Variants in CPPED1 observed in about 807,000 individuals in gnomAD.
The protein encoded by CPPED1 is serine/threonine-protein phosphatase CPPED1.
CPPED1 carries 28 observed loss-of-function variants against 28.0 expected under a neutral mutation model. The observed-to-expected ratio is 1.00, with a 90% CI of 0.74 to 1.37. CPPED1 has a LOEUF of 1.37. CPPED1 is among the 40% of genes most tolerant of loss of function. The probability of loss-of-function intolerance (pLI) is 0.00; values close to 1 mark genes in which losing one functional copy is unlikely to be tolerated. For missense variants in CPPED1, 504 were observed against 416.5 expected, an observed-to-expected ratio of 1.21 and a Z score of -1.83; for synonymous variants, 198 against 180.2, an observed-to-expected ratio of 1.10 and a Z score of -0.79.
At chr16:12,677,596 C>T (rs1185763408) in intron 3 of CPPED1, among the ~76,000 whole-genome samples, 1 of 152,154 alleles carries the variant, frequency 6.6e-6, no homozygotes, top group Non-Finnish European at 1.5e-5. Context: ...GAGCTGAGCT[C>T]GTGCCACTGC....
chr16:12,709,418 G>C lies in CPPED1; in HGVS notation c.290-4369C>G, dbSNP rs959058629. Among the ~76,000 whole-genome samples the C allele has an allele frequency of 3.3e-5, 5 of 152,130 alleles. No homozygotes were observed. The highest frequency in any genetic ancestry group is 7.4e-5 in the Non-Finnish European group (5 of 68,016). On this transcript the variant is annotated intron_variant, in intron 2 of 3. Transcript: ENST00000381774. The surrounding 1 kb of genome is among the most constrained non-coding windows in gnomAD (Gnocchi z 4.4). The stretch of plus-strand genomic sequence containing the variant: ...GCACACACCTGACCCCCACGGAGAG[G>C]AGCCCTGGGTGGGAATGGCGAGAGC...
chr16:12,684,175 G>A (rs1039680304), intron 3 of CPPED1, among the ~76,000 whole-genome samples: 6 of 152,150 alleles, frequency 3.9e-5, no homozygotes, highest in African/African-American at 9.7e-5. Flanking sequence ...AGGAAGGAAC[G>A]CAGAGAAAAT....
At chr16:12,671,751 T>C (rs2079853793) in intron 3 of CPPED1, among the ~76,000 whole-genome samples, 1 of 152,104 alleles carries the variant, frequency 6.6e-6, no homozygotes, top group African/African-American at 2.4e-5. Context: ...CTTCTCTATG[T>C]CTAGATACAC....
chr16:12,702,182 G>A (rs2080024092), intron 3 of CPPED1, among the ~76,000 whole-genome samples: 1 of 152,130 alleles, frequency 6.6e-6, no homozygotes, highest in Non-Finnish European at 1.5e-5. Context: ...GAGTGGGCAG[G>A]GGGCTGGGGC....
intron 2 of CPPED1, among the ~76,000 whole-genome samples, chr16:12,743,818 G>T (rs2080268680): frequency 6.6e-6 from 1 of 151,960 alleles, no homozygotes; most frequent in African/African-American, 2.4e-5. Context: ...AGTCTGGGCA[G>T]CACGATGAAA....
chr16:12,688,317 A>T (rs1253127648), intron 3 of CPPED1, among the ~76,000 whole-genome samples: 1 of 150,472 alleles, frequency 6.6e-6, no homozygotes, highest in African/African-American at 2.5e-5. Flanking sequence ...GTGTCCTAGA[A>T]TCCTACTCCA....
At chr16:12,666,362 G>C (rs941291233) in intron 3 of CPPED1, among the ~76,000 whole-genome samples, 4 of 152,174 alleles carry the variant, frequency 2.6e-5, no homozygotes, top group African/African-American at 9.7e-5. Flanking sequence ...AGATCATAGA[G>C]ACTGAAAGCA....
At chr16:12,740,369 T>TGGG (rs1292915872) in intron 2 of CPPED1, among the ~76,000 whole-genome samples, 1 of 148,424 alleles carries the variant, frequency 6.7e-6, no homozygotes, top group Non-Finnish European at 1.5e-5. Context: ...CTCTTGAACC[T>TGGG]GGGAGGCAGA....
intron 2 of CPPED1, chr16:12,745,753 T>C (rs2080282924): frequency 6.6e-6 from 1 of 152,248 alleles, no homozygotes; most frequent in South Asian, 2.1e-4. Context: ...GATGTCATAA[T>C]ATGTATAGCA....
intron 2 of CPPED1, chr16:12,761,299 AG>A (rs2080408810): frequency 6.6e-6 from 1 of 151,530 alleles, no homozygotes; most frequent in Non-Finnish European, 1.5e-5. Context: ...AAAAAGAAAA[AG>A]AAAAAGAAAA....
chr16:12,710,211 CTAACA>C (rs1212315568), intron 2 of CPPED1, among the ~76,000 whole-genome samples: 2 of 152,052 alleles, frequency 1.3e-5, no homozygotes, highest in Non-Finnish European at 2.9e-5. Context: ...TTTCTACATC[CTAACA>C]TAATATAAAA....
intron 2 of CPPED1, among the ~76,000 whole-genome samples, chr16:12,735,801 T>G (rs1359944542): frequency 6.6e-6 from 1 of 152,230 alleles, no homozygotes; most frequent in Non-Finnish European, 1.5e-5. Flanking sequence ...TTTGCAAAGG[T>G]GCCGTGAGAA....
chr16:12,754,866 G>C lies in CPPED1; in HGVS notation c.289+26319C>G, dbSNP rs146030377. Among the ~76,000 whole-genome samples, 869 of 152,236 alleles carry C rather than the reference G, an allele frequency of 5.7e-3. 9 individuals carry two copies. Among genetic ancestry groups the C allele is most frequent in the African/African-American group, 0.02 (842 of 41,544 alleles). On this transcript the variant is annotated intron_variant, in intron 2 of 3. Coordinates refer to ENST00000381774, the MANE Select transcript of CPPED1 (RefSeq NM_018340.3). ...ATTAAAAAAAAAATTCTTTAAATTA[G>C]GCCGGCATGGTGGTGTGTACTTGTA...
chr16:12,715,206 G>A (rs1258602760), intron 2 of CPPED1, among the ~76,000 whole-genome samples: 1 of 152,122 alleles, frequency 6.6e-6, no homozygotes, highest in Non-Finnish European at 1.5e-5. Flanking sequence ...CTTCTAGTAA[G>A]TTTGAAATCA....
At chr16:12,752,275 A>T (rs1012574763) in intron 2 of CPPED1, among the ~76,000 whole-genome samples, 12 of 152,190 alleles carry the variant, frequency 7.9e-5, no homozygotes, top group Admixed American at 3.3e-4. Context: ...GCTCTTAAAA[A>T]GCCTAATTGA....
intron 2 of CPPED1, among the ~76,000 whole-genome samples, chr16:12,724,720 C>T (rs1280838665): frequency 2.6e-5 from 4 of 152,194 alleles, no homozygotes; most frequent in African/African-American, 9.7e-5. Flanking sequence ...CTGAAGTGTC[C>T]ATGCCATTTT....
At position 12,770,746 on chromosome 16, in the gene CPPED1, C is replaced by T. The variant is rs527412162; in HGVS notation, c.289+10439G>A. 3.4e-3 allele frequency among the ~76,000 whole-genome samples: 512 copies of T among 152,000 alleles called. 7 individuals are homozygous for T. Among genetic ancestry groups the T allele is most frequent in the Non-Finnish European group, 4.6e-3 (314 of 67,992 alleles). ...CTGAGGCAGGAGAATCGCTTGAACC[C>T]GGGAGGCAGAGGTTGCAGTGAGCCG... is the stretch of plus-strand genomic sequence containing the variant. On this transcript the variant is annotated intron_variant, in intron 2 of 3. Transcript: ENST00000381774.
chr16:12,702,497 C>T (rs1454248475), intron 3 of CPPED1, among the ~76,000 whole-genome samples: 1 of 152,036 alleles, frequency 6.6e-6, no homozygotes, highest in Non-Finnish European at 1.5e-5. Context: ...ATGATCACGC[C>T]ACTGCACGCC....
In CPPED1 at chr16:12,663,061, G is replaced by GGT. The variant is rs2079804863; in HGVS notation, c.*1824_*1825insAC. 2.3e-5 allele frequency: 3 copies of GGT among 131,138 alleles called. No homozygotes were observed. Among genetic ancestry groups the GGT allele is most frequent in the African/African-American group, 8.4e-5 (3 of 35,654 alleles). The allele number at this position is 131,138 out of a possible 1,614,324, so 8.1% of individuals were successfully genotyped here. A position where few individuals can be genotyped will look rare whatever the true frequency, so the allele number is the denominator to read the frequency against. ...TCAAGTCTCAATGTGTGTGTGTGTG[G>GGT]TTTTTTTTTTTTTTTTTTGAGACAG... On this transcript the variant is annotated 3_prime_UTR_variant, in exon 4 of 4. Transcript: ENST00000381774.
Sources: allele counts gnomAD v4.1 joint callset (sites outside exome capture counted in the v4.1 genomes callset), GRCh38; gene constraint gnomAD v4.1.1; non-coding constraint Gnocchi (gnomAD v3.1); transcripts MANE v1.5; gene names NCBI Gene and HGNC (gene_info 2026-07-23, HGNC 2026-07-21).